The following CD163L1 variants were observed in gnomAD, a reference collection of about 807,000 sequenced individuals.
The protein encoded by CD163L1 is CD163 molecule like 1.
A neutral mutation model predicts 165.4 loss-of-function variants in CD163L1; 124 were observed. That is an observed-to-expected ratio of 0.75 (90% CI 0.65 to 0.87). The LOEUF (loss-of-function observed/expected upper bound fraction) is 0.87, where lower values mean the gene tolerates loss of function less well. Among genes scored for constraint, CD163L1 ranks in the 40% least tolerant of loss-of-function variants. The pLI, the probability that CD163L1 is intolerant of heterozygous loss-of-function variation, is 0.00. For missense variants in CD163L1, 1,525 were observed against 1,799.9 expected (o/e 0.85, Z 2.76); for synonymous variants, 585 against 662.2 (o/e 0.88, Z 1.79).
rs1166468441 is a variant in CD163L1, at chr12:7,406,672, T to G, written c.947A>C (p.His316Pro). 6.2e-7 allele frequency: 1 copy of G among 1,613,898 alleles called. No homozygotes were observed. Among genetic ancestry groups the G allele is most frequent in the African/African-American group, 1.3e-5 (1 of 74,872 alleles). The change falls in exon 5 of 20, where the codon CAT becomes CCT. Residue 316 changes from histidine to proline, a missense_variant. Coordinates refer to ENST00000313599, the MANE Select transcript of CD163L1 (RefSeq NM_174941.6). ...TACAACATCAGACCCTGACTGCAAA[T>G]GAGGCAAGCCAGCGAAGTGAAGTGC... ...GTALHFAGLP[H>P]LQSGSDVVWL...
chr12:7,396,765 A>G (rs1395500523), intron 7 of CD163L1, among the ~76,000 whole-genome samples: 1 of 152,166 alleles, frequency 6.6e-6, no homozygotes, highest in Non-Finnish European at 1.5e-5. Context: ...TGGACTTGCA[A>G]GCCCCGATAA....
intron 2 of CD163L1, chr12:7,439,977 A>G (rs1948796772): frequency 1.3e-6 from 2 of 1,558,108 alleles, no homozygotes; most frequent in Admixed American, 3.8e-5. Context: ...CTCCCTCCGC[A>G]GCCTGCTCCA....
At chr12:7,396,533 G>A in intron 7 of CD163L1, 118 bp from the exon 8 acceptor site, 1 of 972,612 alleles carries the variant, frequency 1.0e-6, no homozygotes, top group East Asian at 2.7e-5. Context: ...ATGGTGCTGT[G>A]AAGGTATTTT....
chr12:7,346,152 T>C (rs549527145), downstream of CD163L1, among the ~76,000 whole-genome samples: 3 of 150,778 alleles, frequency 2.0e-5, no homozygotes, highest in Non-Finnish European at 4.4e-5. Context: ...CATGGGATGT[T>C]AGTCTCTTAT....
At chr12:7,362,129 T>C (rs1946905233) in intron 18 of CD163L1, among the ~76,000 whole-genome samples, 1 of 147,376 alleles carries the variant, frequency 6.8e-6, no homozygotes, top group Non-Finnish European at 1.5e-5. Context: ...GGTACACTTG[T>C]ATATTATATA....
chr12:7,379,867 G>GT (rs199865477), intron 8 of CD163L1, among the ~76,000 whole-genome samples: 2,170 of 144,182 alleles, frequency 0.015, 31 homozygotes, highest in African/African-American at 0.041. Context: ...GAGTAGGTAA[G>GT]TTTTTTTTTT....
At chr12:7,388,894 G>A (rs1043114763) in intron 8 of CD163L1, among the ~76,000 whole-genome samples, 3 of 152,128 alleles carry the variant, frequency 2.0e-5, no homozygotes, top group African/African-American at 7.2e-5. Flanking sequence ...AAGGAAATCA[G>A]TACACCAAAG....
chr12:7,417,882 T>C (rs1002839009), intron 4 of CD163L1, among the ~76,000 whole-genome samples: 2 of 151,844 alleles, frequency 1.3e-5, no homozygotes, highest in African/African-American at 4.8e-5. Context: ...TTTGTTGTTA[T>C]TGTGTCTCAA....
downstream of CD163L1, among the ~76,000 whole-genome samples, chr12:7,353,863 C>T (rs1230205781): frequency 6.6e-6 from 1 of 151,830 alleles, no homozygotes; most frequent in African/African-American, 2.4e-5. Context: ...AATTTTACTG[C>T]AGTACAGCAA....
rs981509427 is a variant in CD163L1 at position 7,369,751 on chromosome 12, T to A, written c.3731-86A>T. On this transcript the variant is annotated intron_variant, in intron 14 of 19. Coordinates refer to ENST00000313599, the MANE Select transcript of CD163L1 (RefSeq NM_174941.6). This position sits in a 1 kb window ranked among gnomAD's most constrained non-coding sequence, Gnocchi z 4.9. ...GGTAGAAAAACTTGAAAGTAGCAAA[T>A]GTGCTTGATGAATATGGGTGTGGTA... 1.4e-4 allele frequency: 169 copies of A among 1,190,746 alleles called. No homozygotes were observed. The highest frequency in any genetic ancestry group is 2.0e-4 in the Non-Finnish European group (165 of 828,736). The allele number at this position is 1,190,746 out of a possible 1,614,324, so 73.8% of individuals were successfully genotyped here.
the CD163L1 span, chr12:7,323,532 G>T: frequency 1.2e-6 from 2 of 1,613,468 alleles, no homozygotes. Context: ...AAACCTACAC[G>T]GCCCTTCTGT....
At chr12:7,323,422 A>T in the CD163L1 span, 2 of 1,608,880 alleles carry the variant, frequency 1.2e-6, no homozygotes, top group Non-Finnish European at 1.7e-6. Flanking sequence ...TTGTGAAAAG[A>T]AAATTTTAAG....
chr12:7,412,870 G>A lies in CD163L1; in HGVS notation c.767-6018C>T, dbSNP rs1011024820. 3.9e-5 allele frequency among the ~76,000 whole-genome samples: 6 copies of A among 152,058 alleles called. No individual in the cohort carries two copies. The East Asian group carries it at 1.2e-3, about 29-fold the overall frequency. On this transcript the variant is annotated intron_variant, in intron 4 of 19. Coordinates refer to ENST00000313599, the MANE Select transcript of CD163L1 (RefSeq NM_174941.6). ...CAAGCACTTTGGGAGGCCGAGGCGG[G>A]TAGATCACGAGGTCAGGAGTTCAAG...
intron 9 of CD163L1, among the ~76,000 whole-genome samples, chr12:7,376,968 C>G (rs1465982135): frequency 2.0e-5 from 3 of 152,124 alleles, no homozygotes; most frequent in Admixed American, 6.6e-5. Flanking sequence ...CCAAATCCTC[C>G]CATGACTCCA....
chr12:7,394,862 A>C (rs1010785995), intron 8 of CD163L1, among the ~76,000 whole-genome samples: 2 of 152,268 alleles, frequency 1.3e-5, no homozygotes, highest in African/African-American at 4.8e-5. Flanking sequence ...ATCACTGGCC[A>C]TCCGAGAAAT....
At chr12:7,429,607 T>C (rs879488117) in intron 4 of CD163L1, among the ~76,000 whole-genome samples, 5 of 152,202 alleles carry the variant, frequency 3.3e-5, no homozygotes, top group Non-Finnish European at 5.9e-5. Context: ...CCCTTCTTTC[T>C]TTCTCACCTC....
chr12:7,441,162 C>G lies in CD163L1; in HGVS notation c.116G>C (p.Ser39Thr), dbSNP rs1454862298. The G allele has an allele frequency of 6.2e-7, 1 of 1,613,176 alleles. No individual in the cohort carries two copies. The highest frequency in any genetic ancestry group is 8.5e-7 in the Non-Finnish European group (1 of 1,179,284). ...CATCCATCAGAACTCACTAAAACTGCTGATGAGAAAGCAGGAATTCAGGAG... is the reference window on the plus strand; with the variant it reads ...CATCCATCAGAACTCACTAAAACTGGTGATGAGAAAGCAGGAATTCAGGAG... ...ILLLNSCFLI[S>T]SFNGTDLELR... The change falls in exon 2 of 20, where the codon AGC (serine) becomes ACC (threonine). Residue 39 changes from serine (S) to threonine (T), a missense_variant. Physicochemically the swap from Ser to Thr is moderately conservative, Grantham distance 58 (BLOSUM62 1). Coordinates refer to ENST00000313599, the MANE Select transcript of CD163L1 (RefSeq NM_174941.6).
chr12:7,380,631 A>G (rs1947384903), intron 8 of CD163L1, among the ~76,000 whole-genome samples: 1 of 152,108 alleles, frequency 6.6e-6, no homozygotes, highest in Non-Finnish European at 1.5e-5. Flanking sequence ...ACTCAGGGGA[A>G]AGGGTACGAG....
intron 18 of CD163L1, among the ~76,000 whole-genome samples, chr12:7,361,852 C>T (rs958122760): frequency 6.6e-5 from 10 of 151,946 alleles, no homozygotes; most frequent in Admixed American, 1.3e-4. Flanking sequence ...CACCATCTAT[C>T]TCCAAAATTC....
Sources: allele counts gnomAD v4.1 joint callset (sites outside exome capture counted in the v4.1 genomes callset), GRCh38; gene constraint gnomAD v4.1.1; non-coding constraint Gnocchi (gnomAD v3.1); transcripts MANE v1.5; gene names NCBI Gene and HGNC (gene_info 2026-07-23, HGNC 2026-07-21).